UNC80: variants seen among roughly 807,000 people sequenced by gnomAD.
UNC80 encodes the protein unc-80 subunit of NALCN channel complex.
A neutral mutation model predicts 384.6 loss-of-function variants in UNC80; 164 were observed. That is an observed-to-expected ratio of 0.43 (90% CI 0.38 to 0.49). The LOEUF is 0.49. Among genes scored for constraint, UNC80 ranks in the 20% least tolerant of loss-of-function variants. The probability of loss-of-function intolerance (pLI) is 0.00; values close to 1 mark genes in which losing one functional copy is unlikely to be tolerated. For synonymous variants in UNC80, 1,486 were observed against 1,527.8 expected, an observed-to-expected ratio of 0.97 and a Z score of 0.64; for missense variants, 3,330 against 4,143.0, an observed-to-expected ratio of 0.80 and a Z score of 5.39.
At chr2:209,851,163 C>G (rs576773400) in intron 22 of UNC80, among the ~76,000 whole-genome samples, 3 of 151,530 alleles carry the variant, frequency 2.0e-5, no homozygotes, top group South Asian at 2.1e-4. Context: ...AAAAGAAATA[C>G]CTATTAAAAT....
At chr2:209,824,239 T>G (rs1360638163) in intron 13 of UNC80, among the ~76,000 whole-genome samples, 1 of 152,126 alleles carries the variant, frequency 6.6e-6, no homozygotes, top group Non-Finnish European at 1.5e-5. Flanking sequence ...AGTCTTCTGT[T>G]TGCAACCTTC....
chr2:209,930,407 C>T (rs1049691953), intron 37 of UNC80, among the ~76,000 whole-genome samples: 1 of 151,942 alleles, frequency 6.6e-6, no homozygotes, highest in African/African-American at 2.4e-5. Context: ...CAAAATACAG[C>T]GATGATTAAA....
intron 29 of UNC80, among the ~76,000 whole-genome samples, chr2:209,907,899 G>A (rs922581521): frequency 6.6e-6 from 1 of 152,226 alleles, no homozygotes; most frequent in South Asian, 2.1e-4. Context: ...GCCTGAAGCA[G>A]TAGAAAAAGC....
At chr2:209,900,241 A>G (rs2087242777) in intron 28 of UNC80, among the ~76,000 whole-genome samples, 3 of 152,186 alleles carry the variant, frequency 2.0e-5, no homozygotes, top group East Asian at 1.9e-4. Flanking sequence ...TTTACAGACT[A>G]TAGGTTTGTG....
rs1028552924 is a variant in UNC80, at chr2:209,924,291, T to C, written c.5662+1908T>C. Among the ~76,000 whole-genome samples, 5 of 152,342 alleles carry C rather than the reference T, an allele frequency of 3.3e-5. No homozygotes were observed. The South Asian group carries it at 1.0e-3, about 32-fold the overall frequency. On this transcript the variant is annotated intron_variant, in intron 35 of 64. Coordinates refer to ENST00000673920, the MANE Select transcript of UNC80 (RefSeq NM_001371986.1). ...TTTTTATTATTGTGTTGCTATTTGTTTGTTTAGTAACTTTCCTTGACTAAT... is the reference window on the plus strand; with the variant it reads ...TTTTTATTATTGTGTTGCTATTTGTCTGTTTAGTAACTTTCCTTGACTAAT...
chr2:209,793,883 C>T (rs1324963841), intron 7 of UNC80, 24 bp downstream of exon 7: 1 of 1,611,408 alleles, frequency 6.2e-7, no homozygotes. Context: ...ATGTTAGGGA[C>T]AAAATGTGTC....
chr2:209,896,371 C>A lies in UNC80; in HGVS notation c.4539C>A (p.Ala1513=), dbSNP rs533991987. The change falls in exon 28 of 65, where the codon GCC becomes GCA. Residue 1513 remains alanine (A), a synonymous_variant. Transcript: ENST00000673920. ...PSIEPEGMSN[A]GAEENYHRNM... ...TTGAGCCAGAGGGAATGAGTAATGC[C>A]GGCGCGGAGGAGAATTACCACAGAA... The A allele has an allele frequency of 6.4e-7, 1 of 1,551,462 alleles. No individual in the cohort carries two copies. The highest frequency in any genetic ancestry group is 8.7e-7 in the Non-Finnish European group (1 of 1,146,918).
At chr2:209,936,724 T>A (rs2091273556) in intron 40 of UNC80, 120 bp from the exon 41 acceptor site, 2 of 667,656 alleles carry the variant, frequency 3.0e-6, no homozygotes, top group Non-Finnish European at 5.4e-6. Context: ...CATCAATATA[T>A]ACAGATAATT....
Position 209,786,161 on chromosome 2 carries a change from G to C in UNC80, c.696G>C (p.Leu232=). The C allele has an allele frequency of 6.2e-7, 1 of 1,613,872 alleles. No individual in the cohort carries two copies. Among genetic ancestry groups the C allele is most frequent in the African/African-American group, 1.3e-5 (1 of 75,022 alleles). The change falls in exon 5 of 65, where the codon CTG becomes CTC. Residue 232 remains leucine (L), a synonymous_variant. Transcript: ENST00000673920. ...CCGGAGTCTCTGGCTTTACCGCACT[G>C]GTGAAGCCCATCAGGAACATCATTA... ...RQPGVSGFTA[L]VKPIRNIITA...
At chr2:209,943,770 A>AG (rs1204065396) in intron 45 of UNC80, among the ~76,000 whole-genome samples, 9 of 152,202 alleles carry the variant, frequency 5.9e-5, no homozygotes, top group Non-Finnish European at 1.3e-4. Context: ...ATGATGGGTT[A>AG]GGGGTGTATA....
At chr2:209,783,938 A>G (rs1399726115) in intron 4 of UNC80, among the ~76,000 whole-genome samples, 2 of 151,960 alleles carry the variant, frequency 1.3e-5, no homozygotes, top group Non-Finnish European at 2.9e-5. Flanking sequence ...TCTTCTCTTA[A>G]CTCCACAGCT....
intron 22 of UNC80, among the ~76,000 whole-genome samples, chr2:209,859,359 C>A (rs899498405): frequency 6.6e-6 from 1 of 152,074 alleles, no homozygotes; most frequent in Non-Finnish European, 1.5e-5. Context: ...CTGCAAAGGA[C>A]GTTATCTCAT....
intron 28 of UNC80, among the ~76,000 whole-genome samples, chr2:209,897,799 A>C (rs1223644790): frequency 6.6e-6 from 1 of 152,266 alleles, no homozygotes; most frequent in East Asian, 1.9e-4. Context: ...GAACAGTGCT[A>C]TTTCTTCTTT....
chr2:209,775,663 C>T (rs2076822987), intron 2 of UNC80, among the ~76,000 whole-genome samples: 1 of 152,084 alleles, frequency 6.6e-6, no homozygotes, highest in Non-Finnish European at 1.5e-5. Flanking sequence ...GGCTCAAAAG[C>T]CTGCAAATGG....
intron 33 of UNC80, among the ~76,000 whole-genome samples, chr2:209,919,118 T>A (rs981149245): frequency 2.0e-5 from 3 of 152,178 alleles, no homozygotes; most frequent in African/African-American, 7.2e-5. Context: ...CAGACATCAC[T>A]CTGACACCCC....
intron 60 of UNC80, among the ~76,000 whole-genome samples, chr2:209,983,432 A>T (rs1254315279): frequency 6.6e-6 from 1 of 152,114 alleles, no homozygotes; most frequent in Non-Finnish European, 1.5e-5. Context: ...GGTTTGTATC[A>T]TTGTAAGAAA....
chr2:209,907,493 C>T (rs1407304814), intron 29 of UNC80, among the ~76,000 whole-genome samples: 1 of 151,998 alleles, frequency 6.6e-6, no homozygotes, highest in Non-Finnish European at 1.5e-5. Flanking sequence ...GACAGCCTTT[C>T]CAATAAAGTG....
rs751662165 is a variant in UNC80, at chr2:209,931,012, A to T, written c.5952A>T (p.Gly1984=). Residue 1984 remains glycine, a synonymous_variant, in exon 38 of 65, where the codon GGA becomes GGT. Coordinates refer to ENST00000673920, the MANE Select transcript of UNC80 (RefSeq NM_001371986.1). ...TGCGCAAACTTCTCTTGAATATTGG[A>T]GACTTTCCTGCTCAGACATCTCACA... is the stretch of plus-strand genomic sequence containing the variant. ...YMLRKLLLNI[G]DFPAQTSHIL... The T allele has an allele frequency of 1.7e-5, 26 of 1,550,714 alleles. No homozygotes were observed. The highest frequency in any genetic ancestry group is 2.0e-5 in the Non-Finnish European group (23 of 1,146,454).
At chr2:209,858,095 TGTTA>T (rs2083069605) in intron 22 of UNC80, among the ~76,000 whole-genome samples, 1 of 152,358 alleles carries the variant, frequency 6.6e-6, no homozygotes, top group East Asian at 1.9e-4. Flanking sequence ...TATCAATTAC[TGTTA>T]GTTGTGTTGA....
Sources: allele counts gnomAD v4.1 joint callset (sites outside exome capture counted in the v4.1 genomes callset), GRCh38; gene constraint gnomAD v4.1.1; transcripts MANE v1.5; gene names NCBI Gene and HGNC (gene_info 2026-07-23, HGNC 2026-07-21).